GSK3B: variants seen among roughly 807,000 people sequenced by gnomAD.
GSK3B encodes glycogen synthase kinase-3 beta.
In GSK3B, 15 loss-of-function variants were observed where a neutral mutation model predicts 56.4. That is an observed-to-expected ratio of 0.27 (90% CI 0.18 to 0.41). The LOEUF (loss-of-function observed/expected upper bound fraction) is 0.41. Among genes scored for constraint, GSK3B ranks in the 10% least tolerant of loss-of-function variants. The pLI, the probability that GSK3B is intolerant of heterozygous loss-of-function variation, is 1.00. For missense variants in GSK3B, 300 were observed against 513.4 expected, an observed-to-expected ratio of 0.58 and a Z score of 4.02; for synonymous variants, 181 against 188.9, an observed-to-expected ratio of 0.96 and a Z score of 0.34.
intron 7 of GSK3B, among the ~76,000 whole-genome samples, chr3:119,889,931 C>T (rs1363972645): frequency 6.6e-6 from 1 of 151,834 alleles, no homozygotes; most frequent in African/African-American, 2.4e-5. Flanking sequence ...GAAAATTAAA[C>T]AAAAATAAAG....
Position 120,094,203 on chromosome 3 carries a change from C to G in GSK3B, c.-769G>C. 1 of 226,496 alleles carries G rather than the reference C, an allele frequency of 4.4e-6. No individual in the cohort carries two copies. The highest frequency in any genetic ancestry group is 8.8e-6 in the Non-Finnish European group (1 of 113,024). The allele number at this position is 226,496 out of a possible 1,614,324, so 14.0% of individuals were successfully genotyped here. A position where few individuals can be genotyped will look rare whatever the true frequency, so the allele number is the denominator to read the frequency against. ...CGCCGGGGACATGGGAACCCGGCAA[C>G]CGCTTCCGTCCCTCGGGGCCCCCTC... On this transcript the variant is annotated 5_prime_UTR_variant, in exon 1 of 11. Coordinates refer to ENST00000264235, the MANE Select transcript of GSK3B (RefSeq NM_001146156.2).
In GSK3B at chr3:119,824,007, C is replaced by G; in HGVS notation, c.*2781G>C. The G allele has an allele frequency of 5.0e-6, 1 of 201,312 alleles. No individual in the cohort carries two copies. Among genetic ancestry groups the G allele is most frequent in the Non-Finnish European group, 1.0e-5 (1 of 97,934 alleles). 12.5% of individuals were successfully genotyped at this position (201,312 alleles called of 1,614,324 possible). On this transcript the variant is annotated 3_prime_UTR_variant, in exon 11 of 11. Transcript: ENST00000264235. ...GAGTTATTGTTACAATAATACAGGC[C>G]GGTACCTACTGTACAGAGTTAAAAC...
chr3:120,068,846 A>C (rs974179539), intron 1 of GSK3B, among the ~76,000 whole-genome samples: 1 of 152,048 alleles, frequency 6.6e-6, no homozygotes, highest in African/African-American at 2.4e-5. Flanking sequence ...AGTATTATAT[A>C]ATTGAAAACT....
chr3:120,029,891 TG>T (rs1050695963), intron 1 of GSK3B: 1 of 548,086 alleles, frequency 1.8e-6, no homozygotes, highest in African/African-American at 1.9e-5. Flanking sequence ...ACAGTACTGG[TG>T]TATCTGGTCC....
At chr3:119,921,649 G>A (rs1382285254) in intron 4 of GSK3B, among the ~76,000 whole-genome samples, 11 of 152,104 alleles carry the variant, frequency 7.2e-5, no homozygotes, top group African/African-American at 2.7e-4. Context: ...GAGAAAAAGA[G>A]AACCTATGGA....
At chr3:119,945,088 G>C (rs2057087001) in intron 3 of GSK3B, among the ~76,000 whole-genome samples, 1 of 152,208 alleles carries the variant, frequency 6.6e-6, no homozygotes, top group Non-Finnish European at 1.5e-5. Context: ...GAACAATTCA[G>C]AAGTGGAGAT....
intron 3 of GSK3B, among the ~76,000 whole-genome samples, chr3:119,929,490 A>T (rs1250390395): frequency 6.6e-6 from 1 of 152,204 alleles, no homozygotes; most frequent in East Asian, 1.9e-4. Context: ...AGGCTGAACC[A>T]GGCGCAGTGG....
chr3:119,945,311 T>A (rs953918283), intron 3 of GSK3B, among the ~76,000 whole-genome samples: 5 of 152,158 alleles, frequency 3.3e-5, no homozygotes, highest in East Asian at 1.9e-4. Context: ...TTTAAAAAAA[T>A]TTTTGGAAAA....
intron 7 of GSK3B, among the ~76,000 whole-genome samples, chr3:119,890,675 A>C (rs1423473265): frequency 6.6e-6 from 1 of 151,880 alleles, no homozygotes; most frequent in African/African-American, 2.4e-5. Context: ...GGAATTTACT[A>C]AACTGTCATT....
chr3:119,829,921 C>T (rs570629183), intron 10 of GSK3B, among the ~76,000 whole-genome samples: 6 of 152,220 alleles, frequency 3.9e-5, no homozygotes, highest in Admixed American at 6.5e-5. Flanking sequence ...TCTTTGATAT[C>T]GAAAGTCACA....
At chr3:119,917,616 G>T (rs1319028135) in intron 4 of GSK3B, among the ~76,000 whole-genome samples, 1 of 150,004 alleles carries the variant, frequency 6.7e-6, no homozygotes, top group Non-Finnish European at 1.5e-5. Context: ...CTGTGTCAGG[G>T]TATTGATGTC....
At chr3:120,031,380 T>A (rs1300793825) in intron 1 of GSK3B, among the ~76,000 whole-genome samples, 1 of 152,162 alleles carries the variant, frequency 6.6e-6, no homozygotes, top group Non-Finnish European at 1.5e-5. Context: ...GTTAATAAGC[T>A]TTAGTACTAA....
At chr3:120,058,251 GATAAT>G (rs2058207411) in intron 1 of GSK3B, among the ~76,000 whole-genome samples, 1 of 151,978 alleles carries the variant, frequency 6.6e-6, no homozygotes, top group East Asian at 1.9e-4. Context: ...TTTTTATACT[GATAAT>G]ATATTTTATT....
intron 1 of GSK3B, among the ~76,000 whole-genome samples, chr3:120,044,668 G>T (rs1559889172): frequency 1.3e-5 from 2 of 152,138 alleles, no homozygotes; most frequent in Non-Finnish European, 2.9e-5. Context: ...AATGTAGATT[G>T]GATAGATTAC....
intron 8 of GSK3B, 66 bp from the exon 9 acceptor site, chr3:119,863,671 T>G (rs1440568372): frequency 2.0e-6 from 2 of 975,890 alleles, no homozygotes; most frequent in African/African-American, 3.2e-5. Flanking sequence ...AAATACCCTG[T>G]GAATAATGAC....
rs796814551 is a variant in GSK3B at position 120,087,531 on chromosome 3, CA to C, written c.88+5815del. ...CAGGAAACAGTGCGAGACTCCATCT[CA>C]AAAAAAAAAAAAGTGTACTTTTTAT... On this transcript the variant is annotated intron_variant, in intron 1 of 10. Coordinates refer to ENST00000264235, the MANE Select transcript of GSK3B (RefSeq NM_001146156.2). 4.3e-3 allele frequency among the ~76,000 whole-genome samples: 538 copies of C among 126,148 alleles called. 1 individual carries two copies. Among genetic ancestry groups the C allele is most frequent in the African/African-American group, 0.012 (401 of 34,390 alleles). The allele number at this position is 126,148 out of a possible 152,430, so 82.8% of individuals were successfully genotyped here. A position where few individuals can be genotyped will look rare whatever the true frequency, so the allele number is the denominator to read the frequency against.
At chr3:119,988,864 T>C (rs1276176650) in intron 2 of GSK3B, among the ~76,000 whole-genome samples, 1 of 152,158 alleles carries the variant, frequency 6.6e-6, no homozygotes, top group Non-Finnish European at 1.5e-5. Context: ...CCAAGTATAA[T>C]AAAGCAAACC....
In GSK3B at chr3:119,826,788, T is replaced by G; in HGVS notation, c.1263A>C (p.Ter421CysextTer39). The G allele has an allele frequency of 6.2e-7, 1 of 1,608,256 alleles. No homozygotes were observed. Among genetic ancestry groups the G allele is most frequent in the Non-Finnish European group, 8.5e-7 (1 of 1,174,602 alleles). ...TGTGCAGCTGGCTGCTCGGGACTGT[T>G]CAGGTGGAGTTGGAAGCTGATGCAG... ...AASASASNST* is the reference protein window; with the variant it reads ...AASASASNSTC The change falls in exon 11 of 11, where the codon TGA becomes TGC. Residue 421 changes from the stop codon to cysteine (C), a stop_lost. Transcript: ENST00000264235.
chr3:120,021,279 G>A (rs1278860660), intron 1 of GSK3B, among the ~76,000 whole-genome samples: 1 of 151,740 alleles, frequency 6.6e-6, no homozygotes, highest in East Asian at 1.9e-4. Flanking sequence ...GCCGAGGCAG[G>A]TGGATCACGA....
Sources: allele counts gnomAD v4.1 joint callset (sites outside exome capture counted in the v4.1 genomes callset), GRCh38; gene constraint gnomAD v4.1.1; transcripts MANE v1.5; gene names NCBI Gene and HGNC (gene_info 2026-07-23, HGNC 2026-07-21).